The following LRRFIP1 variants were observed in gnomAD, a reference collection of about 807,000 sequenced individuals.
The protein encoded by LRRFIP1 is LRR binding FLII interacting protein 1, also known as leucine-rich repeat flightless-interacting protein 1.
A neutral mutation model predicts 104.4 loss-of-function variants in LRRFIP1; 62 were observed. The observed-to-expected ratio is 0.59, with a 90% CI of 0.48 to 0.73. LRRFIP1 has a LOEUF of 0.73. LRRFIP1 is among the 30% of genes least tolerant of loss of function. The pLI, the probability that LRRFIP1 is intolerant of heterozygous loss-of-function variation, is 0.00. For synonymous variants in LRRFIP1, 300 were observed against 299.0 expected, an observed-to-expected ratio of 1.00 and a Z score of -0.03; for missense variants, 796 against 824.5, an observed-to-expected ratio of 0.97 and a Z score of 0.42.
chr2:237,771,850 C>T (rs1465902541), intron 20 of LRRFIP1: 4 of 506,642 alleles, frequency 7.9e-6, no homozygotes, highest in South Asian at 2.4e-5. Flanking sequence ...ACAGTCTCCT[C>T]CTGAGTCCTA....
rs529625660 is a variant in LRRFIP1 at position 237,630,760 on chromosome 2, G to A, written c.96+3020G>A. ...CCCCGCCAGCCTCACCAGTGGCTCC[G>A]GCCTCTTTTTCCCACAGCACCTGCG... On this transcript the variant is annotated intron_variant, in intron 1 of 23. Transcript: ENST00000308482. 3.9e-5 allele frequency among the ~76,000 whole-genome samples: 6 copies of A among 152,328 alleles called. No individual in the cohort carries two copies. The South Asian group carries it at 6.2e-4, about 16-fold the overall frequency.
chr2:237,648,319 A>T (rs536505716), intron 1 of LRRFIP1, among the ~76,000 whole-genome samples: 1 of 151,590 alleles, frequency 6.6e-6, no homozygotes, highest in East Asian at 1.9e-4. Context: ...TTCTCTCCTG[A>T]CACCCTAATG....
intron 1 of LRRFIP1, among the ~76,000 whole-genome samples, chr2:237,676,352 C>T (rs1048008277): frequency 1.3e-5 from 2 of 152,146 alleles, no homozygotes; most frequent in Non-Finnish European, 2.9e-5. Flanking sequence ...AAAATTAGAC[C>T]AGAAACTGTT....
intron 1 of LRRFIP1, among the ~76,000 whole-genome samples, chr2:237,653,731 C>G (rs1345853481): frequency 2.0e-5 from 3 of 152,076 alleles, no homozygotes; most frequent in Non-Finnish European, 4.4e-5. Flanking sequence ...TTTTTTGACA[C>G]AGTTGCCAAG....
chr2:237,723,994 T>C (rs1439305295), intron 7 of LRRFIP1, among the ~76,000 whole-genome samples: 1 of 151,836 alleles, frequency 6.6e-6, no homozygotes, highest in Non-Finnish European at 1.5e-5. Context: ...TTTTACCTAA[T>C]GAAAAATCCA....
At chr2:237,685,697 G>A (rs945962393) in intron 1 of LRRFIP1, among the ~76,000 whole-genome samples, 28 of 151,962 alleles carry the variant, frequency 1.8e-4, no homozygotes, top group African/African-American at 5.8e-4. Context: ...GCCTTTGGTC[G>A]GCAGCCCCTC....
chr2:237,662,739 G>A (rs1465490034), intron 1 of LRRFIP1, among the ~76,000 whole-genome samples: 1 of 151,970 alleles, frequency 6.6e-6, no homozygotes. Flanking sequence ...CTGCTTCTGA[G>A]GTAGGAGGCG....
chr2:237,745,022 C>T (rs3769067), intron 11 of LRRFIP1, among the ~76,000 whole-genome samples: 8,386 of 152,340 alleles, frequency 0.055, 340 homozygotes, highest in East Asian at 0.14. Context: ...TCTTGTCTTC[C>T]ATTTCTTCAT....
At chr2:237,726,580 T>C (rs1435481195) in intron 7 of LRRFIP1, among the ~76,000 whole-genome samples, 2 of 152,262 alleles carry the variant, frequency 1.3e-5, no homozygotes, top group African/African-American at 4.8e-5. Flanking sequence ...TATTTATTAT[T>C]ATGCACATTT....
chr2:237,774,048 G>C (rs2060882065), intron 22 of LRRFIP1: 1 of 301,176 alleles, frequency 3.3e-6, no homozygotes, highest in Admixed American at 4.5e-5. Flanking sequence ...CATTCTGCCT[G>C]TTCCAACAGA....
At chr2:237,739,392 A>G (rs2095347637) in intron 11 of LRRFIP1, 83 bp downstream of exon 11, 1 of 1,160,570 alleles carries the variant, frequency 8.6e-7, no homozygotes, top group Admixed American at 2.2e-5. Flanking sequence ...ACGTCTCCAA[A>G]TTTAGAATAT....
At position 237,644,505 on chromosome 2, in the gene LRRFIP1, T is replaced by C. The variant is rs539440918; in HGVS notation, c.96+16765T>C. On this transcript the variant is annotated intron_variant, in intron 1 of 23. Transcript: ENST00000308482. ...TAACTGAAAACCTTTGGAGGAGAGT[T>C]ACGCTGGTGTTCTTGGGTTAGAGGC... 3.6e-4 allele frequency among the ~76,000 whole-genome samples: 55 copies of C among 152,320 alleles called. 1 individual carries two copies. In the South Asian group the frequency reaches 0.011, roughly 31 times the overall value.
intron 23 of LRRFIP1, among the ~76,000 whole-genome samples, chr2:237,775,201 A>G (rs983077461): frequency 2.0e-5 from 3 of 152,226 alleles, no homozygotes; most frequent in Non-Finnish European, 4.4e-5. Context: ...AGTTCTAGGT[A>G]GGTGGCCAAG....
intron 1 of LRRFIP1, among the ~76,000 whole-genome samples, chr2:237,677,280 A>T (rs1247491026): frequency 6.6e-6 from 1 of 152,210 alleles, no homozygotes; most frequent in South Asian, 2.1e-4. Context: ...AGTTGGAATC[A>T]TACAGCATTT....
intron 15 of LRRFIP1, among the ~76,000 whole-genome samples, chr2:237,754,907 G>T (rs1346456461): frequency 1.3e-5 from 2 of 152,222 alleles, no homozygotes; most frequent in Admixed American, 6.5e-5. Context: ...GCTGGATGGT[G>T]CTAGAATGCT....
rs368750931 is a variant in LRRFIP1, at chr2:237,751,239, G to C, written c.835G>C (p.Gly279Arg). The change falls in exon 14 of 24, where the codon GGC becomes CGC. Residue 279 changes from glycine to arginine, a missense_variant. Gly to Arg is a moderately radical substitution (Grantham distance 125, BLOSUM62 -2). Coordinates refer to ENST00000308482, the MANE Select transcript of LRRFIP1 (RefSeq NM_001137550.2). ...AAAGGACCAGATTCAGGATGTAGAA[G>C]GCAAATACATGCAGGGATTGAAAGA... Reference protein sequence around the residue: ...ELKDQIQDVEGKYMQGLKEMK... With the variant: ...ELKDQIQDVERKYMQGLKEMK... 14 of 1,610,484 alleles carry C rather than the reference G, an allele frequency of 8.7e-6. No individual in the cohort carries two copies. The highest frequency in any genetic ancestry group is 1.7e-5 in the Admixed American group (1 of 59,640).
Position 237,749,246 on chromosome 2 carries a change from G to A in LRRFIP1, c.717G>A (p.Leu239=). The part of the protein sequence containing the change: ...PGLSAATLAS[L]GGTSSRRGSG... Reference sequence around the variant, plus strand: ...TGTCTGCAGCCACGCTGGCCTCTCTGGGTGGGACTTCCTCTCGGAGAGGCA... The same window carrying A: ...TGTCTGCAGCCACGCTGGCCTCTCTAGGTGGGACTTCCTCTCGGAGAGGCA... The change falls in exon 13 of 24, where the codon CTG becomes CTA. Residue 239 remains leucine, a synonymous_variant. Coordinates refer to ENST00000308482, the MANE Select transcript of LRRFIP1 (RefSeq NM_001137550.2). 1 of 1,613,938 alleles carries A rather than the reference G, an allele frequency of 6.2e-7. No individual in the cohort carries two copies. Among genetic ancestry groups the A allele is most frequent in the East Asian group, 2.2e-5 (1 of 44,880 alleles).
chr2:237,719,545 G>C lies in LRRFIP1; in HGVS notation c.272G>C (p.Arg91Pro). ...QWMEDSERYS[R>P]RSRRNTSASD... is the part of the protein sequence containing the mutation. Reference sequence around the variant, plus strand: ...TAGGAAGACAGTGAGCGCTACTCTCGTAGATCCAGAAGAAACACATCGGTT... The same window carrying C: ...TAGGAAGACAGTGAGCGCTACTCTCCTAGATCCAGAAGAAACACATCGGTT... The change falls in exon 5 of 24, where the codon CGT becomes CCT. Residue 91 changes from arginine to proline, a missense_variant. Physicochemically the swap from Arg to Pro is moderately radical, Grantham distance 103 (BLOSUM62 -2). Transcript: ENST00000308482. 6.2e-7 allele frequency: 1 copy of C among 1,613,482 alleles called. No homozygotes were observed. The highest frequency in any genetic ancestry group is 1.3e-5 in the African/African-American group (1 of 74,986).
chr2:237,726,658 T>G (rs74915362), intron 7 of LRRFIP1, among the ~76,000 whole-genome samples: 2,018 of 152,340 alleles, frequency 0.013, 25 homozygotes, highest in African/African-American at 0.044. Context: ...CGGAGCTTCT[T>G]TGTGGAATTT....
Sources: gnomAD v4.1 joint callset for allele counts (sites outside exome capture counted in the v4.1 genomes callset) on GRCh38, gnomAD v4.1.1 for gene constraint, MANE v1.5 for transcripts, NCBI Gene and HGNC (gene_info 2026-07-23, HGNC 2026-07-21) for gene names.